OTULINL: variants seen among roughly 807,000 people sequenced by gnomAD.
OTULINL encodes OTU deubiquitinase with linear linkage specificity like.
Under a neutral mutation model 43.9 loss-of-function variants are expected in OTULINL, and 42 were observed. That is an observed-to-expected ratio of 0.96 (90% CI 0.75 to 1.24). The LOEUF (loss-of-function observed/expected upper bound fraction) is 1.24. Ranked by LOEUF, OTULINL falls within the 50% of genes most tolerant of loss-of-function variation. OTULINL has a pLI of 0.00. For missense variants in OTULINL, 411 were observed against 426.4 expected (o/e 0.96, Z 0.32); for synonymous variants, 172 against 153.6 (o/e 1.12, Z -0.88).
chr5:14,602,397 G>T, intron 5 of OTULINL, 65 bp downstream of exon 5: 1 of 1,465,328 alleles, frequency 6.8e-7, no homozygotes. Context: ...CAGACTCCTA[G>T]TCTTTGGGGG....
At chr5:14,600,428 T>G (rs1388851167) in intron 1 of OTULINL, among the ~76,000 whole-genome samples, 2 of 152,242 alleles carry the variant, frequency 1.3e-5, no homozygotes, top group Non-Finnish European at 2.9e-5. Context: ...GAGGCATCGC[T>G]AGACGTCACC....
intron 1 of OTULINL, among the ~76,000 whole-genome samples, chr5:14,591,795 AAAAC>A (rs1305082507): frequency 6.6e-6 from 1 of 152,198 alleles, no homozygotes; most frequent in African/African-American, 2.4e-5. Context: ...TGTATCATCT[AAAAC>A]AGGGTCAGCA....
rs536754952 is a variant in OTULINL at position 14,593,461 on chromosome 5, T to C, written c.65-7504T>C. 5.9e-5 allele frequency among the ~76,000 whole-genome samples: 9 copies of C among 152,308 alleles called. No homozygotes were observed. In the South Asian group the frequency reaches 1.7e-3, roughly 28 times the overall value. On this transcript the variant is annotated intron_variant, in intron 1 of 7. Transcript: ENST00000274217. ...TGACAGAATGAAGACAAGAGTCCTT[T>C]GCTCATTTTTGTCGAATGAGTTGTC...
chr5:14,602,196 T>C lies in OTULINL; in HGVS notation c.362T>C (p.Leu121Pro). The change falls in exon 5 of 8, where the codon CTA (leucine) becomes CCA (proline). Residue 121 changes from leucine to proline, a missense_variant. Coordinates refer to ENST00000274217, the MANE Select transcript of OTULINL (RefSeq NM_019018.3). ...NKLMRKAYEE[L>P]FWRHHIKCVR... ...TTATTTTATTAGGCTTATGAGGAGC[T>C]ATTTTGGCGGCATCACATTAAATGT... The C allele has an allele frequency of 6.2e-7, 1 of 1,604,128 alleles. No individual in the cohort carries two copies. Among genetic ancestry groups the C allele is most frequent in the Non-Finnish European group, 8.5e-7 (1 of 1,175,874 alleles).
chr5:14,588,944 C>G (rs1384514715), intron 1 of OTULINL, among the ~76,000 whole-genome samples: 1 of 152,184 alleles, frequency 6.6e-6, no homozygotes, highest in Non-Finnish European at 1.5e-5. Flanking sequence ...ATGTGCCCAG[C>G]CCAAAGTCAG....
chr5:14,609,009 C>T lies in OTULINL; in HGVS notation c.889C>T (p.Leu297=). The part of the protein sequence containing the change: ...HLNSVGDTCG[L]EQIDMFILGY... Reference sequence around the variant, plus strand: ...GAATTCTGTAGGCGACACATGTGGACTAGAGCAGGTAACCGGGGAGGAAGA... The same window carrying T: ...GAATTCTGTAGGCGACACATGTGGATTAGAGCAGGTAACCGGGGAGGAAGA... Residue 297 remains leucine (L), a synonymous_variant, in exon 7 of 8, where the codon CTA becomes TTA. Transcript: ENST00000274217. 7 of 1,606,118 alleles carry T rather than the reference C, an allele frequency of 4.4e-6. No homozygotes were observed. Among genetic ancestry groups the T allele is most frequent in the Non-Finnish European group, 5.1e-6 (6 of 1,174,572 alleles).
At position 14,614,308 on chromosome 5, in the gene OTULINL, A is replaced by G. The variant is rs1291085535; in HGVS notation, c.*3994A>G. Among the ~76,000 whole-genome samples the G allele has an allele frequency of 1.3e-5, 2 of 152,210 alleles. No individual in the cohort carries two copies. The highest frequency in any genetic ancestry group is 4.1e-4 in the South Asian group (2 of 4,834). On this transcript the variant is annotated 3_prime_UTR_variant, in exon 8 of 8. Transcript: ENST00000274217. ...ATTAACTTATTGACTATATATGGGTATACTTTTCTCTATAGCCATTCACTT... is the reference window on the plus strand; with the variant it reads ...ATTAACTTATTGACTATATATGGGTGTACTTTTCTCTATAGCCATTCACTT...
chr5:14,582,615 GA>G (rs988775300), intron 1 of OTULINL, among the ~76,000 whole-genome samples: 2 of 151,932 alleles, frequency 1.3e-5, no homozygotes, highest in African/African-American at 4.8e-5. Context: ...CCAGCATAGC[GA>G]AACCCTGGCC....
chr5:14,598,328 G>A (rs1310405381), intron 1 of OTULINL, among the ~76,000 whole-genome samples: 5 of 152,246 alleles, frequency 3.3e-5, no homozygotes, highest in African/African-American at 1.2e-4. Context: ...CAGCCAGTAT[G>A]TACAGGAGAG....
chr5:14,601,219 T>G lies in OTULINL; in HGVS notation c.231T>G (p.Ile77Met), dbSNP rs1309000587. The part of the protein sequence containing the change: ...LYSGHKLKWW[I>M]GYLQRKFKRN... ...GTTCCCTTTTATCTTTCAGGTGGAT[T>G]GGATATCTGCAGAGAAAATTCAAAA... Residue 77 changes from isoleucine (I) to methionine (M), a missense_variant, in exon 3 of 8, where the codon ATT becomes ATG. Coordinates refer to ENST00000274217, the MANE Select transcript of OTULINL (RefSeq NM_019018.3). 6.2e-7 allele frequency: 1 copy of G among 1,612,762 alleles called. No individual in the cohort carries two copies. Among genetic ancestry groups the G allele is most frequent in the Non-Finnish European group, 8.5e-7 (1 of 1,179,392 alleles).
intron 1 of OTULINL, among the ~76,000 whole-genome samples, chr5:14,593,500 G>A (rs1186740764): frequency 6.6e-6 from 1 of 152,192 alleles, no homozygotes; most frequent in Non-Finnish European, 1.5e-5. Flanking sequence ...CCCAGGCTGA[G>A]GAGGCCTGTG....
Position 14,610,225 on chromosome 5 carries a change from G to A in OTULINL, c.982G>A (p.Val328Ile), listed in dbSNP as rs371932832. 4.7e-5 allele frequency: 76 copies of A among 1,614,088 alleles called. No homozygotes were observed. The highest frequency in any genetic ancestry group is 4.0e-4 in the East Asian group (18 of 44,880). Reference sequence around the variant, plus strand: ...CAAGTTTAACTCCAGAGACTTTGAAGTCTGCTACCCAGAGGAGCCTCTCAG... The same window carrying A: ...CAAGTTTAACTCCAGAGACTTTGAAATCTGCTACCCAGAGGAGCCTCTCAG... ...LFKFNSRDFEVCYPEEPLRDW... is the reference protein window; with the variant it reads ...LFKFNSRDFEICYPEEPLRDW... The change falls in exon 8 of 8, where the codon GTC (valine) becomes ATC (isoleucine). Residue 328 changes from valine to isoleucine, a missense_variant. Coordinates refer to ENST00000274217, the MANE Select transcript of OTULINL (RefSeq NM_019018.3).
In OTULINL at chr5:14,608,912, T is replaced by G. The variant is rs1336724667; in HGVS notation, c.792T>G (p.Ile264Met). 1 of 1,614,104 alleles carries G rather than the reference T, an allele frequency of 6.2e-7. No individual in the cohort carries two copies. Among genetic ancestry groups the G allele is most frequent in the African/African-American group, 1.3e-5 (1 of 75,074 alleles). ...AACAAATGAAGACTAAAAAGGTCAT[T>G]CCCAGTCTTTTTAGACTCCTGTTTT... is the stretch of plus-strand genomic sequence containing the variant. Reference protein sequence around the residue: ...VYEQMKTKKVIPSLFRLLFSR... With the variant: ...VYEQMKTKKVMPSLFRLLFSR... The change falls in exon 7 of 8, where the codon ATT becomes ATG. Residue 264 changes from isoleucine to methionine, a missense_variant. Transcript: ENST00000274217.
chr5:14,608,355 C>G (rs1014800554), intron 6 of OTULINL, among the ~76,000 whole-genome samples: 9 of 152,242 alleles, frequency 5.9e-5, no homozygotes, highest in African/African-American at 2.2e-4. Context: ...GAGCCCTCTT[C>G]CTGTTTTATA....
chr5:14,615,696 C>T lies in OTULINL; in HGVS notation c.*5382C>T, dbSNP rs1473699141. Reference sequence around the variant, plus strand: ...TAAACATTAAAAGGAAGACTCAGCCCCAGAGTATATTTGATCTATTGGTTA... The same window carrying T: ...TAAACATTAAAAGGAAGACTCAGCCTCAGAGTATATTTGATCTATTGGTTA... On this transcript the variant is annotated 3_prime_UTR_variant, in exon 8 of 8. Coordinates refer to ENST00000274217, the MANE Select transcript of OTULINL (RefSeq NM_019018.3). Among the ~76,000 whole-genome samples the T allele has an allele frequency of 1.3e-5, 2 of 152,130 alleles. No homozygotes were observed. The highest frequency in any genetic ancestry group is 2.9e-5 in the Non-Finnish European group (2 of 68,028).
intron 6 of OTULINL, 98 bp downstream of exon 6, chr5:14,607,556 G>A (rs1759504477): frequency 7.5e-6 from 11 of 1,463,034 alleles, no homozygotes; most frequent in Non-Finnish European, 1.0e-5. Context: ...CTTCATGTTA[G>A]GAAAGTAAGA....
intron 6 of OTULINL, 74 bp downstream of exon 6, chr5:14,607,532 T>C: frequency 6.4e-7 from 1 of 1,564,034 alleles, no homozygotes; most frequent in Non-Finnish European, 8.7e-7. Flanking sequence ...TTTTCTCTGA[T>C]GTCAGGGACA....
chr5:14,582,041 G>A, intron 1 of OTULINL, 83 bp downstream of exon 1: 2 of 1,028,778 alleles, frequency 1.9e-6, no homozygotes, highest in Non-Finnish European at 1.2e-6. Flanking sequence ...AGCCAGGGAC[G>A]CGCCCTCCTC....
In OTULINL at chr5:14,611,992, C is replaced by G. The variant is rs567268329; in HGVS notation, c.*1678C>G. On this transcript the variant is annotated 3_prime_UTR_variant, in exon 8 of 8. Coordinates refer to ENST00000274217, the MANE Select transcript of OTULINL (RefSeq NM_019018.3). ...CTACATGAACCATGTCTGATGGTAG[C>G]TTGTTCCCACTGTCATTTTGTTTTC... is the stretch of plus-strand genomic sequence containing the variant. 8 of 152,288 alleles carry G rather than the reference C, an allele frequency of 5.3e-5. No homozygotes were observed. The highest frequency in any genetic ancestry group is 1.4e-4 in the African/African-American group (6 of 41,560). The allele number at this position is 152,288 out of a possible 1,614,324, so 9.4% of individuals were successfully genotyped here. A position where few individuals can be genotyped will look rare whatever the true frequency, so the allele number is the denominator to read the frequency against.
Sources: allele counts gnomAD v4.1 joint callset (sites outside exome capture counted in the v4.1 genomes callset), GRCh38; gene constraint gnomAD v4.1.1; transcripts MANE v1.5; gene names NCBI Gene and HGNC (gene_info 2026-07-23, HGNC 2026-07-21).